The following CDH13 variants were observed in gnomAD, a reference collection of about 807,000 sequenced individuals.
The protein encoded by CDH13 is cadherin-13.
Under a neutral mutation model 63.8 loss-of-function variants are expected in CDH13, and 24 were observed. The observed-to-expected ratio is 0.38, with a 90% CI of 0.27 to 0.53. The LOEUF (loss-of-function observed/expected upper bound fraction) is 0.53. Ranked by LOEUF, CDH13 falls within the 20% of genes least tolerant of loss-of-function variation. The pLI is 0.85. For synonymous variants in CDH13, 503 were observed against 355.3 expected (o/e 1.42, Z -4.67); for missense variants, 1,049 against 903.1 (o/e 1.16, Z -2.07).
At chr16:83,455,908 C>G (rs1038259307) in intron 6 of CDH13, among the ~76,000 whole-genome samples, 4 of 152,240 alleles carry the variant, frequency 2.6e-5, no homozygotes, top group Non-Finnish European at 4.4e-5. Flanking sequence ...AAACGACAGA[C>G]TAGTGCTTCC....
At chr16:83,091,036 A>T (rs906560337) in intron 3 of CDH13, among the ~76,000 whole-genome samples, 8 of 152,104 alleles carry the variant, frequency 5.3e-5, no homozygotes, top group African/African-American at 1.9e-4. Flanking sequence ...AACATTTTCT[A>T]TGTTGCTACA....
intron 1 of CDH13, among the ~76,000 whole-genome samples, chr16:82,749,495 C>A (rs10514558): frequency 0.22 from 33,971 of 152,064 alleles, 4,150 homozygotes; most frequent in South Asian, 0.34. Flanking sequence ...TCTATTCCTC[C>A]TAACAGTGCT....
At position 83,704,174 on chromosome 16, in the gene CDH13, G is replaced by A. The variant is rs544806186; in HGVS notation, c.1538+25713G>A. ...GAAGCTGTGATTTCCAGTGTGGTCT[G>A]GAGGAGAAAACTGCCTCGAAGGAAG... On this transcript the variant is annotated intron_variant, in intron 10 of 13. Transcript: ENST00000567109. Among the ~76,000 whole-genome samples, 7 of 152,198 alleles carry A rather than the reference G, an allele frequency of 4.6e-5. No individual in the cohort carries two copies. The East Asian group carries it at 1.3e-3, about 29-fold the overall frequency.
chr16:83,675,757 C>T (rs1914901810), intron 9 of CDH13, among the ~76,000 whole-genome samples: 2 of 152,126 alleles, frequency 1.3e-5, no homozygotes, highest in African/African-American at 2.4e-5. Flanking sequence ...GACTGCCACC[C>T]ATCTTTCTAT....
chr16:83,063,479 A>G (rs536299069), intron 3 of CDH13, among the ~76,000 whole-genome samples: 1 of 152,300 alleles, frequency 6.6e-6, no homozygotes, highest in Admixed American at 6.5e-5. Flanking sequence ...CACCCCGCAG[A>G]GAGAATGGTT....
intron 5 of CDH13, among the ~76,000 whole-genome samples, chr16:83,274,588 A>G (rs2088925649): frequency 6.6e-6 from 1 of 152,166 alleles, no homozygotes; most frequent in Non-Finnish European, 1.5e-5. Context: ...CTTTCCCCCC[A>G]GAGAAACCCC....
intron 7 of CDH13, among the ~76,000 whole-genome samples, chr16:83,595,652 G>T (rs933446208): frequency 1.3e-5 from 2 of 152,162 alleles, no homozygotes; most frequent in Non-Finnish European, 2.9e-5. Context: ...AGTGTGAGAG[G>T]TTACATGGGA....
chr16:82,852,590 T>C (rs144996654), intron 1 of CDH13, among the ~76,000 whole-genome samples: 4 of 152,358 alleles, frequency 2.6e-5, no homozygotes, highest in African/African-American at 9.6e-5. Context: ...AGCAGCACCA[T>C]GTCCTATTGT....
At chr16:83,296,871 C>T (rs539394112) in intron 5 of CDH13, among the ~76,000 whole-genome samples, 1 of 152,120 alleles carries the variant, frequency 6.6e-6, no homozygotes, top group Non-Finnish European at 1.5e-5. Context: ...CTCTGTGTTT[C>T]CAGCATGATG....
chr16:83,354,652 T>C (rs1168255084), intron 6 of CDH13, among the ~76,000 whole-genome samples: 1 of 152,148 alleles, frequency 6.6e-6, no homozygotes, highest in African/African-American at 2.4e-5. Context: ...TAAAGGAGCC[T>C]ACCAAGTAAA....
At chr16:83,261,118 C>T (rs1052054250) in intron 5 of CDH13, among the ~76,000 whole-genome samples, 2 of 152,094 alleles carry the variant, frequency 1.3e-5, no homozygotes, top group Non-Finnish European at 2.9e-5. Flanking sequence ...AACAGGGCAT[C>T]TTGACTGACC....
intron 7 of CDH13, among the ~76,000 whole-genome samples, chr16:83,587,199 A>C (rs1906249760): frequency 6.6e-6 from 1 of 152,232 alleles, no homozygotes; most frequent in Non-Finnish European, 1.5e-5. Flanking sequence ...CTGAATGGGA[A>C]CAGGTTCGAG....
intron 1 of CDH13, among the ~76,000 whole-genome samples, chr16:82,665,211 G>T (rs913965854): frequency 4.9e-4 from 74 of 152,136 alleles, no homozygotes; most frequent in Non-Finnish European, 1.5e-4. Context: ...TGGCAATTTT[G>T]CTGTCAAAAT....
intron 4 of CDH13, among the ~76,000 whole-genome samples, chr16:83,215,964 T>C (rs1231104318): frequency 6.6e-6 from 1 of 152,042 alleles, no homozygotes; most frequent in African/African-American, 2.4e-5. Context: ...TTCTCTTTAG[T>C]TGCACATCTA....
At chr16:83,212,738 G>A (rs1421542554) in intron 4 of CDH13, among the ~76,000 whole-genome samples, 2 of 152,170 alleles carry the variant, frequency 1.3e-5, no homozygotes, top group Non-Finnish European at 1.5e-5. Context: ...GTATGCGTGA[G>A]AATCACCTGG....
chr16:83,477,526 T>C (rs2073636948), intron 6 of CDH13, among the ~76,000 whole-genome samples: 1 of 152,130 alleles, frequency 6.6e-6, no homozygotes. Context: ...AGTATATATA[T>C]CTCGTGCCCG....
chr16:82,760,945 G>A (rs2034814166), intron 1 of CDH13, among the ~76,000 whole-genome samples: 1 of 149,546 alleles, frequency 6.7e-6, no homozygotes, highest in Non-Finnish European at 1.5e-5. Context: ...ATTCAGGAGG[G>A]ATCTACCCCC....
intron 1 of CDH13, among the ~76,000 whole-genome samples, chr16:82,818,263 A>T (rs1229616574): frequency 6.6e-6 from 1 of 152,080 alleles, no homozygotes; most frequent in Admixed American, 6.6e-5. Context: ...AGTCTCTAAA[A>T]CTTGAAGTTG....
chr16:82,982,427 G>A (rs574609484), intron 2 of CDH13, among the ~76,000 whole-genome samples: 6 of 152,184 alleles, frequency 3.9e-5, no homozygotes, highest in South Asian at 2.1e-4. Flanking sequence ...CTGGAGCTCC[G>A]AAGTCCTAAA....
Sources: gnomAD v4.1 joint callset for allele counts (sites outside exome capture counted in the v4.1 genomes callset) on GRCh38, gnomAD v4.1.1 for gene constraint, MANE v1.5 for transcripts, NCBI Gene and HGNC (gene_info 2026-07-23, HGNC 2026-07-21) for gene names.